The following DHRSX variants were observed in gnomAD, a reference collection of about 807,000 sequenced individuals.
DHRSX encodes polyprenol dehydrogenase.
In DHRSX, 31 loss-of-function variants were observed where a neutral mutation model predicts 34.0. The ratio of observed to expected loss-of-function variants is 0.91; its 90% CI spans 0.69 to 1.23. The LOEUF (loss-of-function observed/expected upper bound fraction) is 1.23. Among genes scored for constraint, DHRSX ranks in the 50% most tolerant of loss-of-function variants. DHRSX has a pLI of 0.00. For synonymous variants in DHRSX, 201 were observed against 183.8 expected (o/e 1.09, Z -0.76); for missense variants, 414 against 428.1 (o/e 0.97, Z 0.29).
intron 3 of DHRSX, among the ~76,000 whole-genome samples, chrX:2,372,752 G>A (rs2043089623): frequency 1.3e-5 from 2 of 151,996 alleles, no homozygotes; most frequent in South Asian, 2.1e-4. Context: ...GGGATTACAG[G>A]CACCCGCCAC....
At chrX:2,229,050 G>GCA (rs201911297) in intron 6 of DHRSX, among the ~76,000 whole-genome samples, 2,928 of 152,306 alleles carry the variant, frequency 0.019, 90 homozygotes, top group African/African-American at 0.066. Flanking sequence ...TCTCTGCAAG[G>GCA]CACGCAGAGG....
chrX:2,382,762 TCATCATCATCACCATCACCATCATCAC>T (rs2043224847), intron 3 of DHRSX, among the ~76,000 whole-genome samples: 1 of 31,830 alleles, frequency 3.1e-5, no homozygotes, highest in Non-Finnish European at 6.5e-5. Context: ...ACTATCATCA[TCATCATCATCACCATCACCATCATCAC>T]CATCATCATC....
At chrX:2,494,796 T>G (rs1161328888) in intron 1 of DHRSX, among the ~76,000 whole-genome samples, 2 of 151,980 alleles carry the variant, frequency 1.3e-5, no homozygotes, top group African/African-American at 2.4e-5. Flanking sequence ...GAGGTCCCAG[T>G]ACCTAGAAGA....
At chrX:2,463,502 C>T (rs1271236087) in intron 1 of DHRSX, among the ~76,000 whole-genome samples, 1 of 151,546 alleles carries the variant, frequency 6.6e-6, no homozygotes, top group African/African-American at 2.4e-5. Context: ...ATGGGGGCAT[C>T]TCCAGAAATC....
intron 1 of DHRSX, among the ~76,000 whole-genome samples, chrX:2,443,782 A>G (rs1321926175): frequency 3.3e-5 from 5 of 152,168 alleles, no homozygotes; most frequent in Admixed American, 2.0e-4. Context: ...CGAGGCGGGC[A>G]GATCACGAGG....
chrX:2,250,034 A>C (rs1216940435), intron 5 of DHRSX, among the ~76,000 whole-genome samples: 1 of 151,650 alleles, frequency 6.6e-6, no homozygotes, highest in South Asian at 2.1e-4. Context: ...GTGGTGGCGC[A>C]TGCCTGTAAT....
intron 3 of DHRSX, among the ~76,000 whole-genome samples, chrX:2,343,496 A>G (rs1369609389): frequency 6.6e-6 from 1 of 152,190 alleles, no homozygotes; most frequent in Non-Finnish European, 1.5e-5. Flanking sequence ...GGACACAACC[A>G]AACACCCTCT....
chrX:2,272,724 A>C (rs35045956), intron 4 of DHRSX, among the ~76,000 whole-genome samples: 107,426 of 151,752 alleles, frequency 0.71, 39,191 homozygotes, highest in African/African-American at 0.8. Flanking sequence ...CAGCTTCTTG[A>C]CACCAGAGAA....
At chrX:2,321,243 G>A (rs1569488432) in intron 3 of DHRSX, among the ~76,000 whole-genome samples, 1 of 152,150 alleles carries the variant, frequency 6.6e-6, no homozygotes, top group Non-Finnish European at 1.5e-5. Context: ...TTTCGCCATG[G>A]CAGCTTATGT....
At chrX:2,481,181 T>C (rs760439455) in intron 1 of DHRSX, among the ~76,000 whole-genome samples, 1 of 152,330 alleles carries the variant, frequency 6.6e-6, no homozygotes, top group East Asian at 1.9e-4. Context: ...TATATATGTA[T>C]ACAATTATTT....
Position 2,239,613 on chromosome X carries a change from A to T in DHRSX, c.804+3410T>A, listed in dbSNP as rs774151055. ...CTACTAAAAAAAAATAAAAAATAAA[A>T]AAAAAATTAGCCAGACGTGGTGGCG... is the stretch of plus-strand genomic sequence containing the variant. On this transcript the variant is annotated intron_variant, in intron 6 of 6. Coordinates refer to ENST00000334651, the MANE Select transcript of DHRSX (RefSeq NM_145177.3). Among the ~76,000 whole-genome samples the T allele has an allele frequency of 5.9e-5, 9 of 151,886 alleles. No individual in the cohort carries two copies. In the East Asian group the frequency reaches 1.8e-3, roughly 30 times the overall value.
At chrX:2,351,061 C>T (rs2042783160) in intron 3 of DHRSX, among the ~76,000 whole-genome samples, 1 of 152,006 alleles carries the variant, frequency 6.6e-6, no homozygotes, top group Non-Finnish European at 1.5e-5. Context: ...AAGGGAACAT[C>T]ACACACCGGG....
intron 1 of DHRSX, among the ~76,000 whole-genome samples, chrX:2,460,598 T>TTTTTTTTG (rs1420227573): frequency 6.7e-6 from 1 of 149,944 alleles, no homozygotes; most frequent in Non-Finnish European, 1.5e-5. Context: ...TTTTTTTTTT[T>TTTTTTTTG]AGAGACAGCA....
At chrX:2,396,351 G>C (rs1226414012) in intron 3 of DHRSX, among the ~76,000 whole-genome samples, 1 of 144,972 alleles carries the variant, frequency 6.9e-6, no homozygotes, top group Non-Finnish European at 1.5e-5. Flanking sequence ...CCTTGCAATT[G>C]TGTTTGATGC....
chrX:2,481,394 G>C (rs1356985562), intron 1 of DHRSX, among the ~76,000 whole-genome samples: 1 of 152,128 alleles, frequency 6.6e-6, no homozygotes, highest in Non-Finnish European at 1.5e-5. Flanking sequence ...GGCTGGTCGC[G>C]GTGGCTCACG....
At chrX:2,312,340 G>C (rs1314610125) in intron 3 of DHRSX, among the ~76,000 whole-genome samples, 3 of 152,076 alleles carry the variant, frequency 2.0e-5, no homozygotes, top group African/African-American at 7.2e-5. Flanking sequence ...CGCTTCCCTA[G>C]AGCAACTAAT....
chrX:2,430,510 C>T (rs1299072051), intron 1 of DHRSX, among the ~76,000 whole-genome samples: 1 of 152,100 alleles, frequency 6.6e-6, no homozygotes, highest in Non-Finnish European at 1.5e-5. Context: ...TGGGTTTTCA[C>T]AGCCAATGAC....
chrX:2,438,498 C>T (rs2044023546), intron 1 of DHRSX, among the ~76,000 whole-genome samples: 4 of 151,926 alleles, frequency 2.6e-5, no homozygotes, highest in Admixed American at 2.6e-4. Context: ...TGGTGAAACC[C>T]CATCTCTACT....
chrX:2,448,253 G>C (rs2044165366), intron 1 of DHRSX, among the ~76,000 whole-genome samples: 2 of 152,126 alleles, frequency 1.3e-5, no homozygotes, highest in South Asian at 4.1e-4. Flanking sequence ...AGGGTCACCT[G>C]AGCCAGGAGT....
Sources: allele counts gnomAD v4.1 joint callset (sites outside exome capture counted in the v4.1 genomes callset), GRCh38; gene constraint gnomAD v4.1.1; transcripts MANE v1.5; gene names NCBI Gene and HGNC (gene_info 2026-07-23, HGNC 2026-07-21).